Variants in FRMPD4 observed in about 807,000 individuals in gnomAD.
The protein encoded by FRMPD4 is FERM and PDZ domain containing 4, also known as FERM and PDZ domain-containing protein 4.
In FRMPD4, 22 loss-of-function variants were observed where a neutral mutation model predicts 94.1. The ratio of observed to expected loss-of-function variants is 0.23; its 90% CI spans 0.17 to 0.33. The LOEUF is 0.33. Among genes scored for constraint, FRMPD4 ranks in the 10% least tolerant of loss-of-function variants. FRMPD4 has a pLI of 1.00. For synonymous variants in FRMPD4, 631 were observed against 548.6 expected (o/e 1.15, Z -2.10); for missense variants, 1,111 against 1,339.9 (o/e 0.83, Z 2.67).
At chrX:12,529,211 G>A (rs188729840) in intron 2 of FRMPD4, among the ~76,000 whole-genome samples, 5 of 112,620 alleles carry the variant, frequency 4.4e-5, no homozygotes, top group Admixed American at 1.9e-4. Flanking sequence ...CTCCAAGGTC[G>A]TTGGACTAAG....
chrX:12,526,122 G>A (rs1036764345), intron 2 of FRMPD4, among the ~76,000 whole-genome samples: 5 of 111,979 alleles, frequency 4.5e-5, no homozygotes, highest in East Asian at 2.8e-4. Flanking sequence ...GAGGGCCTTC[G>A]AAATGCCTCC....
chrX:12,300,144 T>C (rs2054836809), intron 1 of FRMPD4, among the ~76,000 whole-genome samples: 1 of 109,410 alleles, frequency 9.1e-6, no homozygotes, highest in South Asian at 3.9e-4. Context: ...CAAAGTGGGG[T>C]TAGACCTTAG....
chrX:12,083,962 C>T (rs1186193150), intron 3 of FRMPD4, among the ~76,000 whole-genome samples: 2 of 111,519 alleles, frequency 1.8e-5, no homozygotes, highest in East Asian at 5.6e-4. Flanking sequence ...CTTGCCTTGT[C>T]TCAGATGAGA....
At chrX:12,169,521 T>C (rs1168438326) in intron 1 of FRMPD4, among the ~76,000 whole-genome samples, 2 of 112,073 alleles carry the variant, frequency 1.8e-5, no homozygotes, top group Non-Finnish European at 3.8e-5. Flanking sequence ...TGCCTGTTTT[T>C]ATAAATAAAG....
chrX:12,168,668 C>G (rs1569178058), intron 1 of FRMPD4, among the ~76,000 whole-genome samples: 1 of 100,396 alleles, frequency 1.0e-5, no homozygotes, highest in Non-Finnish European at 2.0e-5. Flanking sequence ...CTCTGTCACC[C>G]AGGCTGGAGT....
At chrX:12,350,608 C>G (rs930046110) in intron 1 of FRMPD4, among the ~76,000 whole-genome samples, 3 of 111,965 alleles carry the variant, frequency 2.7e-5, no homozygotes, top group Admixed American at 9.4e-5. Flanking sequence ...TAAAACTACC[C>G]GGATATGAAC....
intron 4 of FRMPD4, among the ~76,000 whole-genome samples, chrX:12,659,591 A>G (rs1602275301): frequency 8.9e-6 from 1 of 112,560 alleles, no homozygotes; most frequent in Non-Finnish European, 1.9e-5. Context: ...GACATTGCCA[A>G]ATATCCCCTA....
chrX:12,575,507 T>C (rs760080244), intron 2 of FRMPD4, among the ~76,000 whole-genome samples: 1 of 111,379 alleles, frequency 9.0e-6, no homozygotes, highest in East Asian at 2.8e-4. Flanking sequence ...TGACAGCTAG[T>C]AGCCCTTTCC....
At chrX:12,179,349 G>A (rs145306471) in intron 1 of FRMPD4, among the ~76,000 whole-genome samples, 3 of 111,162 alleles carry the variant, frequency 2.7e-5, no homozygotes, top group African/African-American at 9.8e-5. Context: ...CCTCTTAATG[G>A]GAGGAGAAAC....
At chrX:12,278,915 A>T (rs73632674) in intron 1 of FRMPD4, among the ~76,000 whole-genome samples, 16,985 of 110,996 alleles carry the variant, frequency 0.15, 1,052 homozygotes, top group East Asian at 0.35. Context: ...CACATATTTT[A>T]TTTTTTTAAT....
rs187792693 is a variant in FRMPD4, at chrX:12,152,346, A to G, written c.41+13334A>G. ...GAACAAGGAAACACTTTATGCAGTGATATATAATGGTCTCCAGGACATATT... is the reference window on the plus strand; with the variant it reads ...GAACAAGGAAACACTTTATGCAGTGGTATATAATGGTCTCCAGGACATATT... On this transcript the variant is annotated intron_variant, in intron 1 of 16. Coordinates refer to ENST00000675598, the MANE Select transcript of FRMPD4 (RefSeq NM_001368397.1). 6.3e-4 allele frequency among the ~76,000 whole-genome samples: 71 copies of G among 111,867 alleles called. 1 individual carries two copies. Among genetic ancestry groups the G allele is most frequent in the African/African-American group, 2.3e-3 (70 of 30,867 alleles).
chrX:12,261,543 G>A (rs961858174), intron 1 of FRMPD4, among the ~76,000 whole-genome samples: 9 of 111,843 alleles, frequency 8.0e-5, no homozygotes, highest in African/African-American at 2.3e-4. Context: ...TTATTTTGGT[G>A]ATAAAAGACT....
chrX:12,459,852 G>GACTT, intron 1 of FRMPD4, among the ~76,000 whole-genome samples: 1 of 111,624 alleles, frequency 9.0e-6, no homozygotes, highest in South Asian at 3.7e-4. Flanking sequence ...ATATATGCTT[G>GACTT]ACTTCATGAG....
intron 3 of FRMPD4, among the ~76,000 whole-genome samples, chrX:12,113,873 G>T (rs2055386607): frequency 9.0e-6 from 1 of 111,719 alleles, no homozygotes; most frequent in African/African-American, 3.3e-5. Context: ...AATACAATGA[G>T]ATATTGGGGC....
chrX:11,913,256 G>T (rs1344757289), intron 3 of FRMPD4, among the ~76,000 whole-genome samples: 1 of 112,284 alleles, frequency 8.9e-6, no homozygotes, highest in Non-Finnish European at 1.9e-5. Context: ...CATGTCCCAT[G>T]ATTGTGAGGC....
chrX:12,620,694 C>G (rs931854463), intron 4 of FRMPD4, among the ~76,000 whole-genome samples: 16 of 112,420 alleles, frequency 1.4e-4, no homozygotes, highest in African/African-American at 4.9e-4. Flanking sequence ...GTCACATGAT[C>G]TAGCTCTACT....
At position 12,685,343 on chromosome X, in the gene FRMPD4, T is replaced by C. The variant is rs924223216; in HGVS notation, c.574-754T>C. 3.6e-5 allele frequency among the ~76,000 whole-genome samples: 4 copies of C among 111,843 alleles called. No individual in the cohort carries two copies. The Admixed American group carries it at 3.8e-4, about 11-fold the overall frequency. The stretch of plus-strand genomic sequence containing the variant: ...TGGGACTTATAGAACTCATTCAGTG[T>C]GCCCCCTTCCTCCCTCTTTCTTCTC... On this transcript the variant is annotated intron_variant, in intron 6 of 16. Transcript: ENST00000675598.
intron 2 of FRMPD4, among the ~76,000 whole-genome samples, chrX:12,574,749 C>T (rs2058793333): frequency 8.9e-6 from 1 of 111,897 alleles, no homozygotes; most frequent in Admixed American, 9.5e-5. Context: ...CATCCCACCT[C>T]GGCCTCCCAA....
chrX:12,708,227 T>C (rs2041914038), intron 13 of FRMPD4, among the ~76,000 whole-genome samples: 1 of 110,810 alleles, frequency 9.0e-6, no homozygotes, highest in Admixed American at 9.6e-5. Flanking sequence ...ATCTCAGCAC[T>C]TTGGGAGGCC....
Sources: gnomAD v4.1 joint callset for allele counts (sites outside exome capture counted in the v4.1 genomes callset) on GRCh38, gnomAD v4.1.1 for gene constraint, MANE v1.5 for transcripts, NCBI Gene and HGNC (gene_info 2026-07-23, HGNC 2026-07-21) for gene names.